The following TFAP2A variants were observed in gnomAD, a reference collection of about 807,000 sequenced individuals.
TFAP2A encodes the protein transcription factor AP-2-alpha.
A neutral mutation model predicts 41.5 loss-of-function variants in TFAP2A; 7 were observed. The ratio of observed to expected loss-of-function variants is 0.17; its 90% CI spans 0.10 to 0.32. The LOEUF is 0.32. Ranked by LOEUF, TFAP2A falls within the 10% of genes least tolerant of loss-of-function variation. The probability of loss-of-function intolerance (pLI) is 1.00; values close to 1 mark genes in which losing one functional copy is unlikely to be tolerated. For synonymous variants in TFAP2A, 247 were observed against 242.8 expected, an observed-to-expected ratio of 1.02 and a Z score of -0.16; for missense variants, 416 against 563.3, an observed-to-expected ratio of 0.74 and a Z score of 2.65.
upstream of TFAP2A, among the ~76,000 whole-genome samples, chr6:10,417,467 A>T (rs942167501): frequency 7.2e-5 from 11 of 152,220 alleles, no homozygotes; most frequent in African/African-American, 2.4e-4. Flanking sequence ...AGCTGCATTT[A>T]TGCCAGCGTC....
At chr6:10,419,590 G>C, upstream of TFAP2A, 1 of 1,098,010 alleles carries the variant, frequency 9.1e-7, no homozygotes, top group Non-Finnish European at 1.4e-6. Flanking sequence ...AAAGAGCTGG[G>C]TTGCTACCTG....
upstream of TFAP2A, chr6:10,419,442 T>C (rs772884092): frequency 4.3e-6 from 7 of 1,613,928 alleles, no homozygotes; most frequent in Non-Finnish European, 5.9e-6. Flanking sequence ...TTTTGGCAAG[T>C]ATGGACATCG....
intron 1 of TFAP2A, 135 bp downstream of exon 1, chr6:10,414,806 G>C (rs1758173700): frequency 1.6e-6 from 2 of 1,217,274 alleles, no homozygotes; most frequent in Admixed American, 1.8e-5. Flanking sequence ...GGGCGAATCC[G>C]AGGGACGGGC....
intron 1 of TFAP2A, 65 bp from the exon 2 acceptor site, chr6:10,410,400 C>A: frequency 6.7e-7 from 1 of 1,496,046 alleles, no homozygotes; most frequent in Non-Finnish European, 9.1e-7. Context: ...ACTATCCACA[C>A]AAAATCCACT....
Position 10,410,001 on chromosome 6 carries a change from T to C in TFAP2A, c.386A>G (p.Tyr129Cys), listed in dbSNP as rs774997299. The part of the protein sequence containing the change: ...QLSGLDPRRD[Y>C]RRHEDLLHGP... Reference sequence around the variant, plus strand: ...GTGCAGGAGGTCCTCGTGCCGCCTGTAGTCCCTGCGAGGATCCAGGCCCGA... The same window carrying C: ...GTGCAGGAGGTCCTCGTGCCGCCTGCAGTCCCTGCGAGGATCCAGGCCCGA... The change falls in exon 2 of 7, where the codon TAC becomes TGC. Residue 129 changes from tyrosine (Y) to cysteine (C), a missense_variant. Coordinates refer to ENST00000379613, the MANE Select transcript of TFAP2A (RefSeq NM_001372066.1). 1.3e-5 allele frequency: 21 copies of C among 1,610,202 alleles called. No individual in the cohort carries two copies. In the South Asian group the frequency reaches 2.3e-4, roughly 18 times the overall value.
At chr6:10,404,890 G>A (rs1216072328) in intron 3 of TFAP2A, 151 bp from the exon 4 acceptor site, 4 of 706,752 alleles carry the variant, frequency 5.7e-6, no homozygotes, top group Non-Finnish European at 7.1e-6. Context: ...CTGTGGCTCT[G>A]CTACTTCCCT....
Position 10,406,777 on chromosome 6 carries a change from G to A in TFAP2A, c.538+16C>T. ...CCTGTAAGGACATGCTTGGAATGCA[G>A]AAGGAAATGGCTTACCTTTCTTAAT... On this transcript the variant is annotated intron_variant, in intron 3 of 6. Coordinates refer to ENST00000379613, the MANE Select transcript of TFAP2A (RefSeq NM_001372066.1). The A allele has an allele frequency of 6.2e-7, 1 of 1,607,366 alleles. No individual in the cohort carries two copies. Among genetic ancestry groups the A allele is most frequent in the South Asian group, 1.1e-5 (1 of 90,970 alleles).
chr6:10,410,742 T>A (rs1332016670), intron 1 of TFAP2A: 1 of 186,908 alleles, frequency 5.4e-6, no homozygotes, highest in Non-Finnish European at 1.1e-5. Context: ...TTTATTCTCT[T>A]CCATTTATTT....
At chr6:10,413,390 C>T (rs1758087317) in intron 1 of TFAP2A, among the ~76,000 whole-genome samples, 1 of 152,240 alleles carries the variant, frequency 6.6e-6, no homozygotes. Context: ...CACCTAGAGC[C>T]GCACGGAGGT....
intron 1 of TFAP2A, chr6:10,411,664 C>T (rs1332452756): frequency 6.2e-7 from 1 of 1,610,178 alleles, no homozygotes; most frequent in Non-Finnish European, 8.5e-7. Flanking sequence ...CCCGGCTGCC[C>T]CGCCGCCCGA....
Position 10,405,068 on chromosome 6 carries a change from C to T in TFAP2A, c.539-329G>A, listed in dbSNP as rs2114016625. The T allele has an allele frequency of 1.3e-5, 5 of 389,892 alleles. No individual in the cohort carries two copies. In the South Asian group the frequency reaches 1.4e-4, roughly 11 times the overall value. 24.2% of individuals were successfully genotyped at this position (389,892 alleles called of 1,614,324 possible). On this transcript the variant is annotated intron_variant, in intron 3 of 6. Coordinates refer to ENST00000379613, the MANE Select transcript of TFAP2A (RefSeq NM_001372066.1). Reference sequence around the variant, plus strand: ...GGTGACCCCTGAGGCGCTGAGCATCCGAGCGGAGTGGGCCCCAGATGAGGT... The same window carrying T: ...GGTGACCCCTGAGGCGCTGAGCATCTGAGCGGAGTGGGCCCCAGATGAGGT...
At chr6:10,406,157 A>G (rs1460220208) in intron 3 of TFAP2A, 1 of 152,444 alleles carries the variant, frequency 6.6e-6, no homozygotes, top group Admixed American at 6.5e-5. Flanking sequence ...AGTAAACTTT[A>G]TTTCTACTCA....
intron 1 of TFAP2A, among the ~76,000 whole-genome samples, chr6:10,413,582 C>G (rs1303368622): frequency 6.6e-6 from 1 of 152,256 alleles, no homozygotes; most frequent in Non-Finnish European, 1.5e-5. Flanking sequence ...GAAAACAAAG[C>G]GACTGGTCTG....
chr6:10,404,804 C>CCGG (rs887977416), intron 3 of TFAP2A, 65 bp from the exon 4 acceptor site: 1 of 1,468,868 alleles, frequency 6.8e-7, no homozygotes, highest in Non-Finnish European at 9.5e-7. Context: ...CTGCCCGACC[C>CCGG]CGGCCCTCAT....
At chr6:10,400,252 G>A (rs964401264) in intron 6 of TFAP2A, among the ~76,000 whole-genome samples, 196 bp downstream of exon 6, 27 of 151,344 alleles carry the variant, frequency 1.8e-4, no homozygotes, top group Non-Finnish European at 3.2e-4. Context: ...ACAGATGAGA[G>A]GAAAAAGATG....
intron 3 of TFAP2A, chr6:10,406,172 A>AC (rs1491455065): frequency 6.5e-6 from 1 of 153,276 alleles, no homozygotes; most frequent in African/African-American, 2.4e-5. Flanking sequence ...TACTCACTAA[A>AC]CACAATACAG....
chr6:10,411,905 T>A, intron 1 of TFAP2A: 1 of 1,253,030 alleles, frequency 8.0e-7, no homozygotes, highest in Non-Finnish European at 1.0e-6. Context: ...GGAAAAAGTA[T>A]GTGTGAGTGT....
chr6:10,398,704 G>C lies in TFAP2A; in HGVS notation c.1033C>G (p.Gln345Glu), dbSNP rs750693033. The C allele has an allele frequency of 6.2e-7, 1 of 1,613,998 alleles. No homozygotes were observed. The highest frequency in any genetic ancestry group is 8.5e-7 in the Non-Finnish European group (1 of 1,179,962). ...TRKNMLLATK[Q>E]ICKEFTDLLA... ...AGGTCGGTGAACTCTTTGCATATCT[G>C]TCTGCAGCACAAGTGGAGCAGAGAG... is the stretch of plus-strand genomic sequence containing the variant. Residue 345 changes from glutamine to glutamate, a missense_variant and splice_region_variant, in exon 7 of 7, where the codon CAG becomes GAG. By Grantham distance (29) the Gln-to-Glu change is conservative. Transcript: ENST00000379613. This position sits in a 1 kb window ranked among gnomAD's most constrained non-coding sequence, Gnocchi z 5.3.
At position 10,402,174 on chromosome 6, in the gene TFAP2A, A is replaced by G. The variant is rs983435672; in HGVS notation, c.889+318T>C. 9.9e-6 allele frequency: 4 copies of G among 402,830 alleles called. No homozygotes were observed. In the Admixed American group the frequency reaches 1.3e-4, roughly 13 times the overall value. 25.0% of individuals were successfully genotyped at this position (402,830 alleles called of 1,614,324 possible). A position where few individuals can be genotyped will look rare whatever the true frequency, so the allele number is the denominator to read the frequency against. On this transcript the variant is annotated intron_variant, in intron 5 of 6. Coordinates refer to ENST00000379613, the MANE Select transcript of TFAP2A (RefSeq NM_001372066.1). ...CAAACGCAGATGTCAGAATAACTTA[A>G]GTTATTTACTGCTGAGCCCTTTAAA...
Sources: gnomAD v4.1 joint callset for allele counts (sites outside exome capture counted in the v4.1 genomes callset) on GRCh38, gnomAD v4.1.1 for gene constraint, Gnocchi (gnomAD v3.1) non-coding constraint, MANE v1.5 for transcripts, NCBI Gene and HGNC (gene_info 2026-07-23, HGNC 2026-07-21) for gene names.